Variants in SLC9A4 observed in about 807,000 individuals in gnomAD.
The protein encoded by SLC9A4 is solute carrier family 9 member A4, also known as sodium/hydrogen exchanger 4.
Under a neutral mutation model 67.4 loss-of-function variants are expected in SLC9A4, and 63 were observed. That is an observed-to-expected ratio of 0.93 (90% confidence interval 0.76 to 1.15). The LOEUF (loss-of-function observed/expected upper bound fraction) is 1.15. Among genes scored for constraint, SLC9A4 ranks in the 50% most tolerant of loss-of-function variants. The probability of loss-of-function intolerance (pLI) is 0.00; values close to 1 mark genes in which losing one functional copy is unlikely to be tolerated. For missense variants in SLC9A4, 1,089 were observed against 987.7 expected (o/e 1.10, Z -1.38); for synonymous variants, 393 against 367.2 (o/e 1.07, Z -0.80).
chr2:102,501,278 T>A (rs1684934367), intron 2 of SLC9A4, among the ~76,000 whole-genome samples: 2 of 90,112 alleles, frequency 2.2e-5, no homozygotes, highest in Admixed American at 2.5e-4. Context: ...CATGCCACCA[T>A]GGCTGGCTAA....
chr2:102,516,268 T>G (rs1256434145), intron 8 of SLC9A4, among the ~76,000 whole-genome samples: 2 of 152,212 alleles, frequency 1.3e-5, no homozygotes, highest in African/African-American at 4.8e-5. Context: ...AATTTTTTTT[T>G]CCTCGTACAC....
chr2:102,497,427 A>G (rs1200555720), intron 2 of SLC9A4, among the ~76,000 whole-genome samples: 1 of 152,196 alleles, frequency 6.6e-6, no homozygotes, highest in East Asian at 1.9e-4. Context: ...GAGTGGACAA[A>G]TATTCATTAA....
chr2:102,508,693 G>A (rs1685098399), intron 5 of SLC9A4, among the ~76,000 whole-genome samples, 154 bp from the exon 6 acceptor site: 1 of 152,140 alleles, frequency 6.6e-6, no homozygotes. Context: ...TTAAAGGAAT[G>A]GAAAACTGAA....
chr2:102,531,808 G>T, intron 11 of SLC9A4, among the ~76,000 whole-genome samples: 1 of 152,270 alleles, frequency 6.6e-6, no homozygotes, highest in East Asian at 1.9e-4. Flanking sequence ...ATCCGGTCAC[G>T]CCCTGGTCTC....
At chr2:102,487,977 T>C (rs1684622343) in intron 2 of SLC9A4, among the ~76,000 whole-genome samples, 1 of 152,242 alleles carries the variant, frequency 6.6e-6, no homozygotes, top group South Asian at 2.1e-4. Context: ...AACACATGAC[T>C]TATTTCTTTT....
intron 3 of SLC9A4, among the ~76,000 whole-genome samples, chr2:102,504,114 A>G (rs367669279): frequency 3.3e-5 from 5 of 152,068 alleles, no homozygotes; most frequent in Admixed American, 6.5e-5. Context: ...GTGCAGTGGC[A>G]CGATCTCGGC....
At chr2:102,505,209 G>T (rs1274043789) in intron 3 of SLC9A4, 45 bp from the exon 4 acceptor site, 6 of 1,581,616 alleles carry the variant, frequency 3.8e-6, no homozygotes, top group Non-Finnish European at 5.2e-6. Flanking sequence ...TTTGTGGAGG[G>T]GGAAAACCTC....
intron 8 of SLC9A4, among the ~76,000 whole-genome samples, chr2:102,518,363 A>G (rs535070856): frequency 8.9e-4 from 136 of 152,346 alleles, no homozygotes; most frequent in African/African-American, 3.1e-3. Context: ...AGTACATCAC[A>G]TTCACCACAT....
At position 102,512,236 on chromosome 2, in the gene SLC9A4, G is replaced by T; in HGVS notation, c.1522G>T (p.Val508Leu). Residue 508 changes from valine to leucine, a missense_variant, in exon 7 of 12, where the codon GTG (valine) becomes TTG (leucine). By Grantham distance (32) the Val-to-Leu change is conservative (BLOSUM62 1). Coordinates refer to ENST00000295269, the MANE Select transcript of SLC9A4 (RefSeq NM_001011552.4). ...TCACTTAAAGGCTGGAATCGAAGAT[G>T]TGTGTGGGCACTGGAGTCACTACCA... ...MDHLKAGIED[V>L]CGHWSHYQVR... 6.2e-7 allele frequency: 1 copy of T among 1,614,112 alleles called. No individual in the cohort carries two copies. The highest frequency in any genetic ancestry group is 1.1e-5 in the South Asian group (1 of 91,084).
chr2:102,510,093 G>A (rs1685129852), intron 6 of SLC9A4, among the ~76,000 whole-genome samples: 3 of 151,790 alleles, frequency 2.0e-5, no homozygotes, highest in Admixed American at 6.6e-5. Flanking sequence ...GTGAGGGTCC[G>A]ACATCTTTCT....
intron 2 of SLC9A4, among the ~76,000 whole-genome samples, chr2:102,493,401 G>A (rs2104424686): frequency 6.6e-6 from 1 of 151,854 alleles, no homozygotes; most frequent in South Asian, 2.1e-4. Flanking sequence ...ACATGACTGG[G>A]GAGGCCTCAC....
chr2:102,522,718 A>T (rs948316836), intron 9 of SLC9A4, among the ~76,000 whole-genome samples: 2 of 152,198 alleles, frequency 1.3e-5, no homozygotes, highest in African/African-American at 4.8e-5. Flanking sequence ...GTTATTTTTC[A>T]CGACAGTGTC....
At chr2:102,504,354 G>A (rs898488907) in intron 3 of SLC9A4, among the ~76,000 whole-genome samples, 2 of 152,184 alleles carry the variant, frequency 1.3e-5, no homozygotes, top group African/African-American at 2.4e-5. Flanking sequence ...AGGCATGCAC[G>A]AGGGACTGAC....
chr2:102,478,154 T>C (rs1344546050), intron 1 of SLC9A4, among the ~76,000 whole-genome samples: 3 of 152,154 alleles, frequency 2.0e-5, no homozygotes, highest in African/African-American at 7.2e-5. Context: ...GTGGTGAGAC[T>C]GGAGGTCAAG....
intron 2 of SLC9A4, among the ~76,000 whole-genome samples, chr2:102,502,363 G>T (rs151080338): frequency 3.3e-5 from 5 of 152,308 alleles, no homozygotes; most frequent in Middle Eastern, 3.4e-3. Flanking sequence ...GGCTAGAATC[G>T]TTTGGGGGAT....
chr2:102,519,615 A>T (rs888499202), intron 8 of SLC9A4, among the ~76,000 whole-genome samples: 1 of 152,176 alleles, frequency 6.6e-6, no homozygotes, highest in African/African-American at 2.4e-5. Context: ...AGACCTTTTT[A>T]AAAAAATGGG....
In SLC9A4 at chr2:102,473,827, G is replaced by A; in HGVS notation, c.68G>A (p.Cys23Tyr). ...NCLLLLVALECSEASSDLNES... is the reference protein window; with the variant it reads ...NCLLLLVALEYSEASSDLNES... ...TTGCTACTGCTAGTGGCTCTTGAGT[G>A]TTCTGAAGCATCTTCTGATTTGAAT... Residue 23 changes from cysteine (C) to tyrosine (Y), a missense_variant, in exon 1 of 12, where the codon TGT becomes TAT. Coordinates refer to ENST00000295269, the MANE Select transcript of SLC9A4 (RefSeq NM_001011552.4). 1 of 1,614,112 alleles carries A rather than the reference G, an allele frequency of 6.2e-7. No homozygotes were observed. The highest frequency in any genetic ancestry group is 1.7e-5 in the Admixed American group (1 of 60,024).
intron 10 of SLC9A4, among the ~76,000 whole-genome samples, chr2:102,525,695 T>G (rs1388822867): frequency 6.6e-6 from 1 of 152,048 alleles, no homozygotes; most frequent in Non-Finnish European, 1.5e-5. Context: ...GAAGCAGACC[T>G]TAATCTCAAG....
intron 1 of SLC9A4, among the ~76,000 whole-genome samples, chr2:102,477,253 A>C (rs1021007066): frequency 2.0e-5 from 3 of 152,214 alleles, no homozygotes; most frequent in Non-Finnish European, 4.4e-5. Flanking sequence ...AATGAATGTC[A>C]AAGATATCTG....
Sources: allele counts gnomAD v4.1 joint callset (sites outside exome capture counted in the v4.1 genomes callset), GRCh38; gene constraint gnomAD v4.1.1; transcripts MANE v1.5; gene names NCBI Gene and HGNC (gene_info 2026-07-23, HGNC 2026-07-21).